ABLIM2: variants seen among roughly 807,000 people sequenced by gnomAD.
ABLIM2 encodes the protein actin binding LIM protein family member 2.
Under a neutral mutation model 97.7 loss-of-function variants are expected in ABLIM2, and 53 were observed. The ratio of observed to expected loss-of-function variants is 0.54; its 90% CI spans 0.44 to 0.68. The LOEUF (loss-of-function observed/expected upper bound fraction) is 0.68, where lower values mean the gene tolerates loss of function less well. Among genes scored for constraint, ABLIM2 ranks in the 30% least tolerant of loss-of-function variants. The pLI, the probability that ABLIM2 is intolerant of heterozygous loss-of-function variation, is 0.00. For missense variants in ABLIM2, 835 were observed against 867.2 expected, an observed-to-expected ratio of 0.96 and a Z score of 0.47; for synonymous variants, 361 against 345.8, an observed-to-expected ratio of 1.04 and a Z score of -0.49.
At chr4:8,026,415 C>T (rs762367839) in intron 12 of ABLIM2, among the ~76,000 whole-genome samples, 10 of 152,232 alleles carry the variant, frequency 6.6e-5, no homozygotes, top group Non-Finnish European at 1.3e-4. Context: ...CAGTAGGCCA[C>T]GGGGCCCGCC....
intron 1 of ABLIM2, among the ~76,000 whole-genome samples, chr4:8,108,344 G>T (rs57549996): frequency 2.0e-5 from 3 of 152,348 alleles, no homozygotes; most frequent in Non-Finnish European, 4.4e-5. Flanking sequence ...CTCATGCCAA[G>T]TTCACCCCGA....
chr4:8,102,605 G>C (rs767393155), intron 2 of ABLIM2, among the ~76,000 whole-genome samples: 6 of 152,202 alleles, frequency 3.9e-5, no homozygotes, highest in African/African-American at 9.7e-5. Flanking sequence ...ATCCACATGA[G>C]CTGTGGGTGG....
At position 8,054,122 on chromosome 4, in the gene ABLIM2, TAACTG is replaced by T; in HGVS notation, c.822+61_822+65del. On this transcript the variant is annotated intron_variant, in intron 8 of 20. Transcript: ENST00000447017. The surrounding 1 kb of genome is among the most constrained non-coding windows in gnomAD (Gnocchi z 4.9). ...CTGTAGAATCTGGTCAGTGTCCTCT[TAACTG>T]TACAAAGATGGTGCAGGAGCAGTGA... The T allele has an allele frequency of 6.4e-7, 1 of 1,568,514 alleles. No individual in the cohort carries two copies. The highest frequency in any genetic ancestry group is 8.8e-7 in the Non-Finnish European group (1 of 1,138,964).
At chr4:8,045,295 C>T in intron 8 of ABLIM2, 54 bp from the exon 9 acceptor site, 1 of 1,489,056 alleles carries the variant, frequency 6.7e-7, no homozygotes, top group Non-Finnish European at 9.4e-7. Flanking sequence ...TCGGGGCCTT[C>T]AGAGGCGACT....
chr4:8,047,523 G>T (rs1310666155), intron 8 of ABLIM2, among the ~76,000 whole-genome samples: 9 of 152,156 alleles, frequency 5.9e-5, no homozygotes, highest in African/African-American at 2.2e-4. Flanking sequence ...ATTTCTGCAG[G>T]CTGGCAGGGG....
intron 1 of ABLIM2, among the ~76,000 whole-genome samples, chr4:8,114,424 C>T (rs932895285): frequency 3.3e-5 from 5 of 152,208 alleles, no homozygotes; most frequent in South Asian, 4.1e-4. Flanking sequence ...TACAAACCCC[C>T]GCCCGTGCCT....
rs1578404131 is a variant in ABLIM2, at chr4:8,128,159, C to T, written c.11-21522G>A. Among the ~76,000 whole-genome samples the T allele has an allele frequency of 6.6e-6, 1 of 152,302 alleles. No homozygotes were observed. Among genetic ancestry groups the T allele is most frequent in the African/African-American group, 2.4e-5 (1 of 41,562 alleles). On this transcript the variant is annotated intron_variant, in intron 1 of 20. Transcript: ENST00000447017. The surrounding 1 kb of genome is among the most constrained non-coding windows in gnomAD (Gnocchi z 4.9). ...TGTGGCTTCAGGGCTCCTGTTTCTGCCCCCACCTTCACAGGCCGTCTTCCC... is the reference window on the plus strand; with the variant it reads ...TGTGGCTTCAGGGCTCCTGTTTCTGTCCCCACCTTCACAGGCCGTCTTCCC...
chr4:8,041,783 T>G (rs566066448), intron 9 of ABLIM2, among the ~76,000 whole-genome samples: 2 of 152,086 alleles, frequency 1.3e-5, no homozygotes, highest in East Asian at 3.9e-4. Context: ...GGGTGCCTGT[T>G]GTCCCAGCTA....
rs1762693704 is a variant in ABLIM2, at chr4:8,008,316, G to A, written c.1477-116C>T. ...CTAACATACGAGCTGACCCCACTGT[G>A]AGAAAACTCAATATGTGAGAGATGC... On this transcript the variant is annotated intron_variant, in intron 15 of 20. Transcript: ENST00000447017. 5 of 995,602 alleles carry A rather than the reference G, an allele frequency of 5.0e-6. No individual in the cohort carries two copies. In the South Asian group the frequency reaches 6.7e-5, roughly 13 times the overall value. The allele number at this position is 995,602 out of a possible 1,614,324, so 61.7% of individuals were successfully genotyped here.
chr4:8,138,018 A>T (rs1319881297), intron 1 of ABLIM2, among the ~76,000 whole-genome samples: 1 of 152,234 alleles, frequency 6.6e-6, no homozygotes, highest in Non-Finnish European at 1.5e-5. Flanking sequence ...ACAGGCTATG[A>T]CATGGATGAC....
rs1315197208 is a variant in ABLIM2, at chr4:8,149,739, G to C, written c.10+8941C>G. ...CATTCTGGAAGAGCTCTGAGCCCTT[G>C]GGAGGCTGTTGACTGCTGGACACAG... is the stretch of plus-strand genomic sequence containing the variant. On this transcript the variant is annotated intron_variant, in intron 1 of 20. Coordinates refer to ENST00000447017, the MANE Select transcript of ABLIM2 (RefSeq NM_001130083.2). The surrounding 1 kb of genome is among the most constrained non-coding windows in gnomAD (Gnocchi z 6.4). Among the ~76,000 whole-genome samples the C allele has an allele frequency of 6.6e-6, 1 of 151,954 alleles. No individual in the cohort carries two copies. The highest frequency in any genetic ancestry group is 1.5e-5 in the Non-Finnish European group (1 of 67,984).
At chr4:8,126,465 C>T (rs1319583026) in intron 1 of ABLIM2, among the ~76,000 whole-genome samples, 5 of 147,152 alleles carry the variant, frequency 3.4e-5, no homozygotes, top group African/African-American at 1.2e-4. Context: ...ACTCCCCCTG[C>T]CTCCCTTTTC....
Position 8,083,595 on chromosome 4 carries a change from CA to C in ABLIM2, c.455-2794del, listed in dbSNP as rs1350083062. On this transcript the variant is annotated intron_variant, in intron 4 of 20. Coordinates refer to ENST00000447017, the MANE Select transcript of ABLIM2 (RefSeq NM_001130083.2). The surrounding 1 kb of genome is among the most constrained non-coding windows in gnomAD (Gnocchi z 4.6). ...TCAGCAGTACACGTGGAGATGAGAG[CA>C]AGGTGCAAAAGGAGCGTTGCCATGG... Among the ~76,000 whole-genome samples, 1 of 152,216 alleles carries C rather than the reference CA, an allele frequency of 6.6e-6. No homozygotes were observed. The highest frequency in any genetic ancestry group is 1.9e-4 in the East Asian group (1 of 5,190).
In ABLIM2 at chr4:8,083,198, G is replaced by A. The variant is rs1821042459; in HGVS notation, c.455-2396C>T. 6.6e-6 allele frequency among the ~76,000 whole-genome samples: 1 copy of A among 152,336 alleles called. No individual in the cohort carries two copies. Reference sequence around the variant, plus strand: ...GGGAGCACAGCACATGGGGCTGTGTGTCGACCAGAGGACAGACAGCAGACA... The same window carrying A: ...GGGAGCACAGCACATGGGGCTGTGTATCGACCAGAGGACAGACAGCAGACA... On this transcript the variant is annotated intron_variant, in intron 4 of 20. Transcript: ENST00000447017. The surrounding 1 kb of genome is among the most constrained non-coding windows in gnomAD (Gnocchi z 4.6).
intron 4 of ABLIM2, among the ~76,000 whole-genome samples, chr4:8,086,284 CAAA>C (rs140575003): frequency 0.016 from 2,026 of 129,054 alleles, 48 homozygotes; most frequent in African/African-American, 0.05. Context: ...TTGAAAACCT[CAAA>C]AAAAAAAAAA....
chr4:8,145,790 G>A lies in ABLIM2; in HGVS notation c.10+12890C>T, dbSNP rs1054598204. The stretch of plus-strand genomic sequence containing the variant: ...CACACACACACACACACACACACAC[G>A]AGATCCCTGTGCTTGTAACATGTCA... On this transcript the variant is annotated intron_variant, in intron 1 of 20. Transcript: ENST00000447017. Among the ~76,000 whole-genome samples, 18 of 131,092 alleles carry A rather than the reference G, an allele frequency of 1.4e-4. No homozygotes were observed. The Middle Eastern group carries it at 0.02, about 148-fold the overall frequency. 86.0% of individuals were successfully genotyped at this position (131,092 alleles called of 152,430 possible). A position where few individuals can be genotyped will look rare whatever the true frequency, so the allele number is the denominator to read the frequency against.
chr4:7,977,787 T>C (rs28447132), intron 20 of ABLIM2, among the ~76,000 whole-genome samples: 26,024 of 96,800 alleles, frequency 0.27, 2,859 homozygotes, highest in East Asian at 0.53. Flanking sequence ...GGAGACTCTG[T>C]CTCAATAAAT....
intron 1 of ABLIM2, among the ~76,000 whole-genome samples, chr4:8,138,601 G>A (rs1343385728): frequency 6.6e-6 from 1 of 152,102 alleles, no homozygotes; most frequent in East Asian, 1.9e-4. Context: ...ACAAACTTGA[G>A]AAAACAAGCA....
chr4:8,048,443 C>T (rs1433508129), intron 8 of ABLIM2, among the ~76,000 whole-genome samples: 1 of 152,150 alleles, frequency 6.6e-6, no homozygotes, highest in East Asian at 1.9e-4. Context: ...CCTGCCATTA[C>T]GGTCACATGG....
Sources: gnomAD v4.1 joint callset for allele counts (sites outside exome capture counted in the v4.1 genomes callset) on GRCh38, gnomAD v4.1.1 for gene constraint, Gnocchi (gnomAD v3.1) non-coding constraint, MANE v1.5 for transcripts, NCBI Gene and HGNC (gene_info 2026-07-23, HGNC 2026-07-21) for gene names.